The following SLC22A25 variants were observed in gnomAD, a reference collection of about 807,000 sequenced individuals.
The protein encoded by SLC22A25 is MGI:2442751, MGI:2385316, MGI:3042283, MGI:3645714, MGI:3605624, MGI:2442750.
SLC22A25 carries 44 observed loss-of-function variants against 45.9 expected under a neutral mutation model. The ratio of observed to expected loss-of-function variants is 0.96; its 90% CI spans 0.75 to 1.23. The LOEUF (loss-of-function observed/expected upper bound fraction) is 1.23, where lower values mean the gene tolerates loss of function less well. Ranked by LOEUF, SLC22A25 falls within the 50% of genes most tolerant of loss-of-function variation. SLC22A25 has a pLI of 0.00. For synonymous variants in SLC22A25, 283 were observed against 238.6 expected (o/e 1.19, Z -1.72); for missense variants, 800 against 666.4 (o/e 1.20, Z -2.21).
At chr11:63,164,934 T>C (rs2087629316) in intron 10 of SLC22A25, among the ~76,000 whole-genome samples, 1 of 152,124 alleles carries the variant, frequency 6.6e-6, no homozygotes, top group Admixed American at 6.5e-5. Flanking sequence ...TTTTTTTGTC[T>C]CACTTATTCT....
At chr11:63,197,986 A>G (rs1441681143) in intron 7 of SLC22A25, among the ~76,000 whole-genome samples, 2 of 152,242 alleles carry the variant, frequency 1.3e-5, no homozygotes, top group Non-Finnish European at 2.9e-5. Context: ...GCTCATCATC[A>G]CTGGCCATCA....
At chr11:63,164,739 A>C in intron 10 of SLC22A25, 105 bp from the exon 11 acceptor site, 1 of 854,700 alleles carries the variant, frequency 1.2e-6, no homozygotes, top group South Asian at 1.4e-5. Flanking sequence ...TTCCAGGGGT[A>C]AAATGTACTG....
intron 9 of SLC22A25, among the ~76,000 whole-genome samples, chr11:63,170,516 C>T (rs1205929998): frequency 6.6e-6 from 1 of 152,094 alleles, no homozygotes; most frequent in Non-Finnish European, 1.5e-5. Context: ...ATACAAACTA[C>T]CGTCAGAGAA....
chr11:63,213,067 C>A (rs1565108747), intron 7 of SLC22A25, among the ~76,000 whole-genome samples: 1 of 152,144 alleles, frequency 6.6e-6, no homozygotes, highest in African/African-American at 2.4e-5. Context: ...AAGGCCAGCC[C>A]AGGCTTGGAA....
Position 63,160,243 on chromosome 11 carries a change from CA to C in SLC22A25, c.*3580del. ...ACCTTTGTGACAGCCCTTCCTATCA[CA>C]GGCCTGGAGGCCTAGGAGGTCCAGG... On this transcript the variant is annotated 3_prime_UTR_variant, in exon 12 of 12. Coordinates refer to ENST00000306494, the MANE Select transcript of SLC22A25 (RefSeq NM_199352.6). Among the ~76,000 whole-genome samples, 1 of 152,248 alleles carries C rather than the reference CA, an allele frequency of 6.6e-6. No individual in the cohort carries two copies. Among genetic ancestry groups the C allele is most frequent in the Middle Eastern group, 3.4e-3 (1 of 294 alleles).
chr11:63,188,626 A>C (rs560125701), intron 7 of SLC22A25, among the ~76,000 whole-genome samples: 48 of 151,988 alleles, frequency 3.2e-4, no homozygotes, highest in African/African-American at 1.0e-3. Context: ...TAGTTCTTTT[A>C]ATTGCGGTGT....
rs2090205321 is a variant in SLC22A25 at position 63,238,899 on chromosome 11, C to T, written c.-759G>A. The T allele has an allele frequency of 8.8e-6, 2 of 227,458 alleles. No homozygotes were observed. The highest frequency in any genetic ancestry group is 1.6e-4 in the South Asian group (2 of 12,492). The allele number at this position is 227,458 out of a possible 1,614,324, so 14.1% of individuals were successfully genotyped here. ...TTGAGTCCAGTGAGATAGAGATTCT[C>T]AGGAGGGCATCTTGGCTGAGGATCA... On this transcript the variant is annotated 5_prime_UTR_variant, in exon 2 of 12. It removes the in-frame stop codon of an upstream open reading frame in the 5' UTR. Coordinates refer to ENST00000306494, the MANE Select transcript of SLC22A25 (RefSeq NM_199352.6).
intron 5 of SLC22A25, among the ~76,000 whole-genome samples, chr11:63,223,173 A>G (rs1226142662): frequency 6.6e-6 from 1 of 151,614 alleles, no homozygotes; most frequent in African/African-American, 2.4e-5. Context: ...CTCTGTTTCT[A>G]TTTTTTGGAA....
rs187618427 is a variant in SLC22A25, at chr11:63,194,961, G to A, written c.831-11144C>T. Among the ~76,000 whole-genome samples, 753 of 124,708 alleles carry A rather than the reference G, an allele frequency of 6.0e-3. 4 individuals carry two copies. Among genetic ancestry groups the A allele is most frequent in the Non-Finnish European group, 8.3e-3 (497 of 60,204 alleles). The allele number at this position is 124,708 out of a possible 152,430, so 81.8% of individuals were successfully genotyped here. On this transcript the variant is annotated intron_variant, in intron 7 of 11. Coordinates refer to ENST00000306494, the MANE Select transcript of SLC22A25 (RefSeq NM_199352.6). ...AGCAGGGGTTGCAATCCTAGTCTGT[G>A]ATAAAACAGACTTTAAACCAACAGT...
At chr11:63,230,981 C>T (rs1300343508) in intron 3 of SLC22A25, among the ~76,000 whole-genome samples, 1 of 152,134 alleles carries the variant, frequency 6.6e-6, no homozygotes, top group African/African-American at 2.4e-5. Flanking sequence ...GACATGAACT[C>T]ATCATTTTTT....
chr11:63,197,381 C>G (rs955893099), intron 7 of SLC22A25, among the ~76,000 whole-genome samples: 2 of 152,288 alleles, frequency 1.3e-5, no homozygotes, highest in Non-Finnish European at 2.9e-5. Context: ...GTCACCAAAA[C>G]AGCATGGTAC....
rs182903718 is a variant in SLC22A25 at position 63,235,162 on chromosome 11, C to G, written c.-445+2719G>C. On this transcript the variant is annotated intron_variant, in intron 3 of 11. Coordinates refer to ENST00000306494, the MANE Select transcript of SLC22A25 (RefSeq NM_199352.6). ...TTGAGGAGTATCTTTGTGGCATTCT[C>G]TGTATTTCCTGAGTTTGAATGTTGG... is the stretch of plus-strand genomic sequence containing the variant. Among the ~76,000 whole-genome samples, 344 of 152,256 alleles carry G rather than the reference C, an allele frequency of 2.3e-3. 1 individual carries two copies. Among genetic ancestry groups the G allele is most frequent in the Admixed American group, 4.9e-3 (75 of 15,290 alleles).
chr11:63,166,016 C>T, intron 10 of SLC22A25, 28 bp downstream of exon 10: 2 of 1,608,910 alleles, frequency 1.2e-6, no homozygotes, highest in Non-Finnish European at 8.5e-7. Flanking sequence ...AAGACATTTT[C>T]TTTCTTCCAC....
intron 8 of SLC22A25, among the ~76,000 whole-genome samples, chr11:63,181,671 T>G (rs550952051): frequency 6.6e-6 from 1 of 152,074 alleles, no homozygotes; most frequent in African/African-American, 2.4e-5. Flanking sequence ...GAGACAGGCA[T>G]GCTGTAGTGC....
At chr11:63,212,124 T>C (rs2089584568) in intron 7 of SLC22A25, among the ~76,000 whole-genome samples, 1 of 152,018 alleles carries the variant, frequency 6.6e-6, no homozygotes, top group African/African-American at 2.4e-5. Flanking sequence ...TGAGATACCG[T>C]CTCACACCAG....
At chr11:63,171,828 A>T (rs1488715586) in intron 9 of SLC22A25, among the ~76,000 whole-genome samples, 1 of 152,208 alleles carries the variant, frequency 6.6e-6, no homozygotes, top group African/African-American at 2.4e-5. Context: ...CATGGATTTT[A>T]AAAAAGCTTG....
At chr11:63,215,260 G>T (rs1231638333) in intron 7 of SLC22A25, among the ~76,000 whole-genome samples, 1 of 152,116 alleles carries the variant, frequency 6.6e-6, no homozygotes, top group Non-Finnish European at 1.5e-5. Context: ...CCATAAAAAA[G>T]GATGAGTTCA....
chr11:63,177,840 T>C (rs570451985), intron 9 of SLC22A25, among the ~76,000 whole-genome samples: 2,477 of 61,418 alleles, frequency 0.04, 95 homozygotes, highest in African/African-American at 0.11. Context: ...ATATAATGTG[T>C]ATATATATAT....
At chr11:63,197,923 C>G (rs2089106945) in intron 7 of SLC22A25, among the ~76,000 whole-genome samples, 1 of 152,102 alleles carries the variant, frequency 6.6e-6, no homozygotes, top group African/African-American at 2.4e-5. Context: ...AGGATATGAG[C>G]AAACACTTCT....
Sources: gnomAD v4.1 joint callset for allele counts (sites outside exome capture counted in the v4.1 genomes callset) on GRCh38, gnomAD v4.1.1 for gene constraint, MANE v1.5 for transcripts, NCBI Gene and HGNC (gene_info 2026-07-23, HGNC 2026-07-21) for gene names.